NDE1: variants seen among roughly 807,000 people sequenced by gnomAD.
The protein encoded by NDE1 is nudE neurodevelopment protein 1, also known as nuclear distribution protein nudE homolog 1.
In NDE1, 28 loss-of-function variants were observed where a neutral mutation model predicts 43.4. The ratio of observed to expected loss-of-function variants is 0.65; its 90% CI spans 0.48 to 0.89. The LOEUF is 0.89. Ranked by LOEUF, NDE1 falls within the 40% of genes least tolerant of loss-of-function variation. The pLI is 0.00. For missense variants in NDE1, 441 were observed against 434.1 expected, an observed-to-expected ratio of 1.02 and a Z score of -0.14; for synonymous variants, 184 against 172.0, an observed-to-expected ratio of 1.07 and a Z score of -0.55.
chr16:15,709,279 A>G (rs935561727), intron 8 of NDE1, among the ~76,000 whole-genome samples: 1 of 151,712 alleles, frequency 6.6e-6, no homozygotes, highest in Non-Finnish European at 1.5e-5. Flanking sequence ...CGTTGCAGTG[A>G]ATCACCTGAC....
intron 3 of NDE1, among the ~76,000 whole-genome samples, chr16:15,676,242 TGAG>T (rs2037871973): frequency 2.0e-5 from 3 of 149,308 alleles, no homozygotes; most frequent in South Asian, 4.3e-4. Flanking sequence ...TTTTTTTTTT[TGAG>T]ACAGAGTCTC....
chr16:15,656,064 G>T lies in NDE1; in HGVS notation c.-44+5770G>T, dbSNP rs368541378. 5.6e-4 allele frequency among the ~76,000 whole-genome samples: 84 copies of T among 151,044 alleles called. 1 individual carries two copies. In the East Asian group the frequency reaches 0.012, roughly 22 times the overall value. On this transcript the variant is annotated intron_variant, in intron 1 of 8. Coordinates refer to ENST00000396354, the MANE Select transcript of NDE1 (RefSeq NM_017668.3). The stretch of plus-strand genomic sequence containing the variant: ...TTAGTGGGTGCAGCACACCAGCATG[G>T]CACATGTATACATATGTAACTAACC...
At position 15,694,583 on chromosome 16, in the gene NDE1, A is replaced by G. The variant is rs533801201; in HGVS notation, c.795+327A>G. 6.2e-6 allele frequency: 6 copies of G among 965,924 alleles called. No individual in the cohort carries two copies. The South Asian group carries it at 1.9e-4, about 31-fold the overall frequency. The allele number at this position is 965,924 out of a possible 1,614,324, so 59.8% of individuals were successfully genotyped here. A position where few individuals can be genotyped will look rare whatever the true frequency, so the allele number is the denominator to read the frequency against. On this transcript the variant is annotated intron_variant, in intron 7 of 8. Transcript: ENST00000396354. Reference sequence around the variant, plus strand: ...GGCTGGTCTTAAACTCCTGGCCTCAAGTGATCCTCCCAGGTTGGCCTCCCA... The same window carrying G: ...GGCTGGTCTTAAACTCCTGGCCTCAGGTGATCCTCCCAGGTTGGCCTCCCA...
At chr16:15,715,443 T>C (rs571540622) in intron 8 of NDE1, among the ~76,000 whole-genome samples, 5 of 152,132 alleles carry the variant, frequency 3.3e-5, no homozygotes, top group Admixed American at 2.6e-4. Flanking sequence ...GAATAAAGTA[T>C]CAATGCATGC....
At chr16:15,686,794 C>G (rs898455368) in intron 4 of NDE1, among the ~76,000 whole-genome samples, 17 of 152,162 alleles carry the variant, frequency 1.1e-4, no homozygotes, top group African/African-American at 4.1e-4. Context: ...ACAACCTCTG[C>G]TTCCTGGCAG....
intron 3 of NDE1, among the ~76,000 whole-genome samples, chr16:15,675,232 C>T (rs2037807484): frequency 6.6e-6 from 1 of 151,072 alleles, no homozygotes; most frequent in Admixed American, 6.6e-5. Context: ...GAGTTTTGCT[C>T]TTGTTGCCCA....
At chr16:15,676,858 CACTCTGTGAGCCGGGCTGGTG>C (rs1388700426) in intron 3 of NDE1, among the ~76,000 whole-genome samples, 1 of 152,104 alleles carries the variant, frequency 6.6e-6, no homozygotes, top group Non-Finnish European at 1.5e-5. Flanking sequence ...GGCCAGGTCT[CACTCTGTGAGCCGGGCTGGTG>C]ACTCTCTTTG....
chr16:15,724,423 G>A lies in NDE1; in HGVS notation c.*172G>A, dbSNP rs374648974. On this transcript the variant is annotated 3_prime_UTR_variant, in exon 9 of 9. Transcript: ENST00000396354. ...CGAGTCGGAGAGCTACAAGGACAGC[G>A]TCCAGGGTAGGGTGAGAGGGGGACC... 6.1e-5 allele frequency: 98 copies of A among 1,613,438 alleles called. No homozygotes were observed. Among genetic ancestry groups the A allele is most frequent in the Non-Finnish European group, 8.0e-5 (94 of 1,180,030 alleles).
chr16:15,705,757 G>A (rs150050549), intron 8 of NDE1, among the ~76,000 whole-genome samples: 47 of 152,000 alleles, frequency 3.1e-4, no homozygotes, highest in African/African-American at 1.1e-3. Context: ...TGAGGCGGGC[G>A]GATCATGAGG....
chr16:15,674,140 G>A (rs4780577), intron 3 of NDE1, among the ~76,000 whole-genome samples: 92,811 of 151,954 alleles, frequency 0.61, 28,496 homozygotes, highest in South Asian at 0.71. Flanking sequence ...TGAGAAGTGC[G>A]CTGGACTGTT....
At chr16:15,643,749 C>A in exon 1 of NDE1, 1 of 212,788 alleles carries the variant, frequency 4.7e-6, no homozygotes, top group South Asian at 5.4e-5. Flanking sequence ...AAGTTGCGAC[C>A]CAGTTGGCAA....
chr16:15,699,003 G>C (rs1353811715), intron 8 of NDE1, among the ~76,000 whole-genome samples: 1 of 151,910 alleles, frequency 6.6e-6, no homozygotes, highest in Non-Finnish European at 1.5e-5. Context: ...TCCTGCCTCA[G>C]CCTCCCAAGT....
chr16:15,671,264 G>A (rs556101975), intron 3 of NDE1, among the ~76,000 whole-genome samples: 1 of 152,260 alleles, frequency 6.6e-6, no homozygotes, highest in East Asian at 1.9e-4. Context: ...AGCCCTTTGA[G>A]AGGCTGAGGA....
chr16:15,660,641 C>G (rs530902249), intron 1 of NDE1, among the ~76,000 whole-genome samples: 2 of 152,252 alleles, frequency 1.3e-5, no homozygotes, highest in Admixed American at 6.5e-5. Flanking sequence ...CCAGTTACTC[C>G]TGCACTCAGT....
chr16:15,644,224 T>C (rs1007814597), intron 1 of NDE1, among the ~76,000 whole-genome samples: 1 of 152,212 alleles, frequency 6.6e-6, no homozygotes, highest in Non-Finnish European at 1.5e-5. Flanking sequence ...CAAGTTGACT[T>C]TGCAAAAGAA....
In NDE1 at chr16:15,699,673, C is replaced by T. The variant is rs533030787; in HGVS notation, c.947+2813C>T. The T allele has an allele frequency of 2.3e-6, 3 of 1,319,534 alleles. No individual in the cohort carries two copies. The African/African-American group carries it at 4.5e-5, about 20-fold the overall frequency. The allele number at this position is 1,319,534 out of a possible 1,614,324, so 81.7% of individuals were successfully genotyped here. ...CCTTATAACTCTCTGGGCCCCGGTG[C>T]TAGCCAGTTTGTCACAGCTGTTATG... On this transcript the variant is annotated intron_variant, in intron 8 of 8. Coordinates refer to ENST00000396354, the MANE Select transcript of NDE1 (RefSeq NM_017668.3).
intron 1 of NDE1, among the ~76,000 whole-genome samples, chr16:15,661,156 GTTTT>G (rs56830963): frequency 1.5e-5 from 2 of 132,214 alleles, no homozygotes; most frequent in African/African-American, 2.8e-5. Context: ...AGTTTTACTT[GTTTT>G]TTTTTTTTTT....
At chr16:15,661,881 A>G (rs897903836) in intron 1 of NDE1, among the ~76,000 whole-genome samples, 1 of 151,894 alleles carries the variant, frequency 6.6e-6, no homozygotes, top group Non-Finnish European at 1.5e-5. Flanking sequence ...AAGTTCTGGT[A>G]AGTTTGCCTT....
intron 8 of NDE1, chr16:15,699,693 G>A (rs1285966105): frequency 3.0e-6 from 4 of 1,339,088 alleles, no homozygotes; most frequent in Non-Finnish European, 2.0e-6. Flanking sequence ...TGTCACAGCT[G>A]TTATGTCAGC....
Sources: gnomAD v4.1 joint callset for allele counts (sites outside exome capture counted in the v4.1 genomes callset) on GRCh38, gnomAD v4.1.1 for gene constraint, MANE v1.5 for transcripts, NCBI Gene and HGNC (gene_info 2026-07-23, HGNC 2026-07-21) for gene names.